The following CPSF3 variants were observed in gnomAD, a reference collection of about 807,000 sequenced individuals.
CPSF3 encodes the protein cleavage and polyadenylation specific factor 3.
CPSF3 carries 57 observed loss-of-function variants against 84.1 expected under a neutral mutation model. That is an observed-to-expected ratio of 0.68 (90% CI 0.55 to 0.85). The LOEUF (loss-of-function observed/expected upper bound fraction) is 0.85, where lower values mean the gene tolerates loss of function less well. Among genes scored for constraint, CPSF3 ranks in the 40% least tolerant of loss-of-function variants. The pLI, the probability that CPSF3 is intolerant of heterozygous loss-of-function variation, is 0.00. For synonymous variants in CPSF3, 275 were observed against 278.1 expected, an observed-to-expected ratio of 0.99 and a Z score of 0.11; for missense variants, 522 against 838.8, an observed-to-expected ratio of 0.62 and a Z score of 4.66.
At chr2:9,460,483 T>C (rs1055010277) in intron 15 of CPSF3, among the ~76,000 whole-genome samples, 2 of 152,026 alleles carry the variant, frequency 1.3e-5, no homozygotes, top group African/African-American at 4.8e-5. Context: ...TTTCAAAATA[T>C]TGATGAATTG....
chr2:9,460,828 C>T (rs1338468853), intron 15 of CPSF3, among the ~76,000 whole-genome samples: 1 of 152,058 alleles, frequency 6.6e-6, no homozygotes, highest in African/African-American at 2.4e-5. Flanking sequence ...ATGTTTTGAG[C>T]TGTGAGTCTC....
At position 9,433,851 on chromosome 2, in the gene CPSF3, T is replaced by C. The variant is rs1262543836; in HGVS notation, c.520-20T>C. 1.3e-6 allele frequency: 2 copies of C among 1,547,104 alleles called. No individual in the cohort carries two copies. The highest frequency in any genetic ancestry group is 1.8e-6 in the Non-Finnish European group (2 of 1,126,706). ...AAGCCTTCCCCAAATCCTAACTTTC[T>C]AGTTTTATCTTTTTCACAGCTTTTG... On this transcript the variant is annotated intron_variant, in intron 5 of 17. Transcript: ENST00000238112.
intron 4 of CPSF3, among the ~76,000 whole-genome samples, chr2:9,431,713 G>A (rs1281778495): frequency 1.3e-5 from 2 of 151,530 alleles, no homozygotes; most frequent in Non-Finnish European, 2.9e-5. Flanking sequence ...ACCACGCCTG[G>A]CTAATTTTTG....
In CPSF3 at chr2:9,441,825, AT is replaced by A; in HGVS notation, c.945del (p.His316IlefsTer10). 1 of 1,614,094 alleles carries A rather than the reference AT, an allele frequency of 6.2e-7. No individual in the cohort carries two copies. Among genetic ancestry groups the A allele is most frequent in the Non-Finnish European group, 8.5e-7 (1 of 1,180,018 alleles). ...TTCTGTTTTCTCTCTTAGAGCATGGATCATTTTGATGACATTGGTCCCAGTG... is the reference window on the plus strand; with the variant it reads ...TTCTGTTTTCTCTCTTAGAGCATGGACATTTTGATGACATTGGTCCCAGTG... ...FKHISNLKSMDHFDDIGPSVV... is the reference protein window; with the variant it reads ...FKHISNLKSMXHFDDIGPSVV... On this transcript the variant is annotated frameshift_variant, in exon 9 of 18. Transcript: ENST00000238112. LOFTEE classifies it high-confidence loss of function.
chr2:9,431,437 C>T (rs1298156332), intron 4 of CPSF3, among the ~76,000 whole-genome samples: 2 of 151,756 alleles, frequency 1.3e-5, no homozygotes, highest in African/African-American at 4.8e-5. Context: ...TGGTAACACT[C>T]GTTAACACTT....
At chr2:9,439,535 A>G (rs1680901290) in intron 7 of CPSF3, among the ~76,000 whole-genome samples, 1 of 152,102 alleles carries the variant, frequency 6.6e-6, no homozygotes, top group Non-Finnish European at 1.5e-5. Context: ...TACATTTTCA[A>G]ACTGCAGAGG....
chr2:9,469,096 C>T (rs1243980474), intron 16 of CPSF3, among the ~76,000 whole-genome samples: 1 of 152,162 alleles, frequency 6.6e-6, no homozygotes, highest in Non-Finnish European at 1.5e-5. Flanking sequence ...CAGTGATTAC[C>T]ATGGCCGTTG....
intron 11 of CPSF3, among the ~76,000 whole-genome samples, chr2:9,451,496 G>T (rs1681327153): frequency 6.6e-6 from 1 of 152,060 alleles, no homozygotes; most frequent in South Asian, 2.1e-4. Flanking sequence ...AGGCTTGGTG[G>T]CTCTCGCCTG....
At chr2:9,435,768 T>C (rs1455178701) in intron 6 of CPSF3, among the ~76,000 whole-genome samples, 1 of 151,060 alleles carries the variant, frequency 6.6e-6, no homozygotes, top group African/African-American at 2.4e-5. Flanking sequence ...AGTCTTGCTC[T>C]GTCGCCCAGG....
At chr2:9,470,858 T>C (rs1682139402) in intron 16 of CPSF3, among the ~76,000 whole-genome samples, 1 of 152,212 alleles carries the variant, frequency 6.6e-6, no homozygotes, top group South Asian at 2.1e-4. Flanking sequence ...AATAAAGCTG[T>C]GTATTTTCCC....
At position 9,440,516 on chromosome 2, in the gene CPSF3, A is replaced by C; in HGVS notation, c.786A>C (p.Glu262Asp). The change falls in exon 8 of 18, where the codon GAA (glutamate) becomes GAC (aspartate). Residue 262 changes from glutamate to aspartate, a missense_variant. Around this residue, in one of 2 missense-constraint regions of CPSF3, gnomAD observed 329 missense variants for 607.2 expected, o/e 0.54. Transcript: ENST00000238112. ...ATGAGTACTGGCAGAATCACCCAGA[A>C]CTACATGACATTCCAATATACTATG... ...ILDEYWQNHP[E>D]LHDIPIYYAS... The C allele has an allele frequency of 6.2e-7, 1 of 1,613,910 alleles. No homozygotes were observed. Among genetic ancestry groups the C allele is most frequent in the Non-Finnish European group, 8.5e-7 (1 of 1,179,856 alleles).
intron 14 of CPSF3, 125 bp downstream of exon 14, chr2:9,457,152 TG>T: frequency 2.9e-6 from 1 of 346,124 alleles, no homozygotes; most frequent in Non-Finnish European, 4.9e-6. Flanking sequence ...AGTATATGTG[TG>T]TGTGTGTGTG....
At chr2:9,466,595 CTAAA>C (rs61442524) in intron 15 of CPSF3, among the ~76,000 whole-genome samples, 16 of 151,868 alleles carry the variant, frequency 1.1e-4, no homozygotes, top group Admixed American at 2.0e-4. Flanking sequence ...GACCCTGTCT[CTAAA>C]TAAATAAATA....
intron 7 of CPSF3, among the ~76,000 whole-genome samples, 195 bp downstream of exon 7, chr2:9,436,556 G>A (rs376429265): frequency 1.3e-4 from 20 of 151,616 alleles, no homozygotes; most frequent in Non-Finnish European, 1.8e-4. Flanking sequence ...GGGAGATCAC[G>A]AGATCAGGAG....
chr2:9,466,016 C>A (rs951466522), intron 15 of CPSF3, among the ~76,000 whole-genome samples: 1 of 152,118 alleles, frequency 6.6e-6, no homozygotes, highest in Non-Finnish European at 1.5e-5. Context: ...CAGAGTTGTA[C>A]AACCATCACC....
chr2:9,428,051 C>T (rs1680450281), intron 1 of CPSF3, among the ~76,000 whole-genome samples: 1 of 150,852 alleles, frequency 6.6e-6, no homozygotes, highest in African/African-American at 2.4e-5. Context: ...GGCTGGAGCG[C>T]AGTGGCGCGA....
chr2:9,424,402 C>G, intron 1 of CPSF3: 1 of 326,456 alleles, frequency 3.1e-6, no homozygotes, highest in Non-Finnish European at 4.4e-6. Context: ...GACAAAAACT[C>G]AGCCCTCGAC....
intron 15 of CPSF3, among the ~76,000 whole-genome samples, chr2:9,463,078 C>A (rs1238034657): frequency 6.6e-6 from 1 of 152,248 alleles, no homozygotes; most frequent in Non-Finnish European, 1.5e-5. Context: ...GTGAACAAAG[C>A]AAACAGATCT....
chr2:9,469,705 G>T (rs772995783), intron 16 of CPSF3, among the ~76,000 whole-genome samples: 2 of 152,040 alleles, frequency 1.3e-5, no homozygotes, highest in African/African-American at 2.4e-5. Flanking sequence ...ACAGGAGTAT[G>T]AGACAGCTTC....
Sources: allele counts gnomAD v4.1 joint callset (sites outside exome capture counted in the v4.1 genomes callset), GRCh38; gene constraint gnomAD v4.1.1; regional missense constraint gnomAD v4.1.1; transcripts MANE v1.5; gene names NCBI Gene and HGNC (gene_info 2026-07-23, HGNC 2026-07-21).